Variants in FARS2 observed in about 807,000 individuals in gnomAD.
FARS2 encodes the protein phenylalanyl-tRNA synthetase 2, mitochondrial.
Under a neutral mutation model 46.4 loss-of-function variants are expected in FARS2, and 40 were observed. That is an observed-to-expected ratio of 0.86 (90% confidence interval 0.67 to 1.12). The LOEUF (loss-of-function observed/expected upper bound fraction) is 1.12. Among genes scored for constraint, FARS2 ranks in the 50% most tolerant of loss-of-function variants. The pLI is 0.00. For synonymous variants in FARS2, 234 were observed against 214.9 expected (o/e 1.09, Z -0.78); for missense variants, 513 against 567.9 (o/e 0.90, Z 0.98).
chr6:5,282,630 G>A (rs73718033), intron 1 of FARS2, among the ~76,000 whole-genome samples: 20 of 152,316 alleles, frequency 1.3e-4, no homozygotes, highest in South Asian at 4.1e-4. Context: ...GCTTGGGCCC[G>A]TGTGGAGCAC....
intron 6 of FARS2, among the ~76,000 whole-genome samples, chr6:5,723,894 C>T (rs912532052): frequency 2.0e-5 from 3 of 152,170 alleles, no homozygotes; most frequent in South Asian, 2.1e-4. Flanking sequence ...CCACAGCAGG[C>T]GGTCTCTGTT....
At chr6:5,309,719 A>G (rs1253038611) in intron 1 of FARS2, among the ~76,000 whole-genome samples, 1 of 152,006 alleles carries the variant, frequency 6.6e-6, no homozygotes, top group Non-Finnish European at 1.5e-5. Context: ...TGGAAAAAGG[A>G]ACAGGTTAGA....
At chr6:5,740,306 A>G (rs1003135217) in intron 6 of FARS2, among the ~76,000 whole-genome samples, 2 of 152,162 alleles carry the variant, frequency 1.3e-5, no homozygotes, top group Non-Finnish European at 2.9e-5. Context: ...AAAGTAAGGA[A>G]ACTATTCGAA....
At chr6:5,670,728 G>A (rs1276738012) in intron 6 of FARS2, among the ~76,000 whole-genome samples, 1 of 152,126 alleles carries the variant, frequency 6.6e-6, no homozygotes, top group African/African-American at 2.4e-5. Flanking sequence ...CTGAAGCCCA[G>A]TTACATTTTT....
intron 6 of FARS2, among the ~76,000 whole-genome samples, chr6:5,768,286 A>G (rs569303912): frequency 1.3e-5 from 2 of 152,230 alleles, no homozygotes; most frequent in Admixed American, 6.5e-5. Context: ...TCTATATATT[A>G]TGAGTATTTA....
chr6:5,341,219 A>ATATATC (rs1771583424), intron 1 of FARS2, among the ~76,000 whole-genome samples: 1 of 5,002 alleles, frequency 2.0e-4, no homozygotes, highest in African/African-American at 7.8e-4. Context: ...ATATATATAT[A>ATATATC]TATATATATA....
chr6:5,281,012 T>C (rs753298921), intron 1 of FARS2, among the ~76,000 whole-genome samples: 32 of 152,334 alleles, frequency 2.1e-4, no homozygotes, highest in Non-Finnish European at 2.6e-4. Context: ...TCCTGGACTT[T>C]AGTTTGAGGG....
At chr6:5,601,596 C>T in intron 5 of FARS2, among the ~76,000 whole-genome samples, 1 of 150,836 alleles carries the variant, frequency 6.6e-6, no homozygotes, top group East Asian at 2.0e-4. Flanking sequence ...AACAGCATAG[C>T]CTGGCCTTAG....
intron 4 of FARS2, among the ~76,000 whole-genome samples, chr6:5,436,634 T>C (rs769567223): frequency 6.6e-6 from 1 of 152,192 alleles, no homozygotes; most frequent in Admixed American, 6.5e-5. Context: ...AAGGGAACTA[T>C]GTCTGTCAGT....
At chr6:5,586,424 C>A (rs1434706229) in intron 5 of FARS2, among the ~76,000 whole-genome samples, 4 of 152,006 alleles carry the variant, frequency 2.6e-5, no homozygotes, top group Admixed American at 2.0e-4. Flanking sequence ...TTGTCAAATC[C>A]TTTTTCTACC....
intron 1 of FARS2, among the ~76,000 whole-genome samples, chr6:5,288,290 T>C (rs1162556429): frequency 2.0e-5 from 3 of 152,352 alleles, no homozygotes; most frequent in East Asian, 3.9e-4. Context: ...TCTTCTTCTT[T>C]TTTAACCTCA....
intron 4 of FARS2, among the ~76,000 whole-genome samples, chr6:5,516,955 A>C (rs1768836135): frequency 6.6e-6 from 1 of 152,152 alleles, no homozygotes; most frequent in Non-Finnish European, 1.5e-5. Flanking sequence ...AAATGAGTAG[A>C]TCTGGTAGGA....
chr6:5,539,018 C>T (rs552572574), intron 4 of FARS2, among the ~76,000 whole-genome samples: 1 of 152,168 alleles, frequency 6.6e-6, no homozygotes, highest in South Asian at 2.1e-4. Flanking sequence ...ATGACCCCCT[C>T]AGTCACCTCA....
chr6:5,386,296 G>A (rs1356553726), intron 2 of FARS2, among the ~76,000 whole-genome samples: 1 of 152,140 alleles, frequency 6.6e-6, no homozygotes, highest in Admixed American at 6.5e-5. Flanking sequence ...AGTGTGGAGC[G>A]TGGCACATTG....
chr6:5,526,903 C>A (rs571145042), intron 4 of FARS2, among the ~76,000 whole-genome samples: 1 of 151,920 alleles, frequency 6.6e-6, no homozygotes, highest in South Asian at 2.1e-4. Flanking sequence ...AGGTGTGAGC[C>A]GCCACGTCTG....
intron 1 of FARS2, among the ~76,000 whole-genome samples, chr6:5,323,678 C>T (rs772705400): frequency 6.6e-6 from 1 of 152,174 alleles, no homozygotes; most frequent in Non-Finnish European, 1.5e-5. Flanking sequence ...CCTGCTGGGC[C>T]TGAGGGAAGA....
At chr6:5,378,422 AAAATCT>A in intron 2 of FARS2, among the ~76,000 whole-genome samples, 1 of 152,314 alleles carries the variant, frequency 6.6e-6, no homozygotes, top group South Asian at 2.1e-4. Flanking sequence ...TTATCATTAG[AAAATCT>A]CACTTTTGCT....
intron 1 of FARS2, among the ~76,000 whole-genome samples, chr6:5,325,820 A>T (rs912192639): frequency 3.9e-5 from 6 of 152,234 alleles, no homozygotes; most frequent in African/African-American, 1.4e-4. Flanking sequence ...ACATGGTAGT[A>T]GTAAAATGTC....
intron 4 of FARS2, among the ~76,000 whole-genome samples, chr6:5,444,719 A>AC (rs34555090): frequency 2.0e-5 from 3 of 151,398 alleles, no homozygotes; most frequent in East Asian, 1.9e-4. Context: ...GGGTGGGTGG[A>AC]CCCCCCACTC....
Sources: allele counts gnomAD v4.1 joint callset (sites outside exome capture counted in the v4.1 genomes callset), GRCh38; gene constraint gnomAD v4.1.1; transcripts MANE v1.5; gene names NCBI Gene and HGNC (gene_info 2026-07-23, HGNC 2026-07-21).